The following SH3PXD2B variants were observed in gnomAD, a reference collection of about 807,000 sequenced individuals.
SH3PXD2B encodes the protein SH3 and PX domains 2B, also known as SH3 and PX domain-containing protein 2B.
A neutral mutation model predicts 73.1 loss-of-function variants in SH3PXD2B; 37 were observed. The observed-to-expected ratio is 0.51, with a 90% CI of 0.39 to 0.67. The LOEUF is 0.67. SH3PXD2B is among the 30% of genes least tolerant of loss of function. The pLI is 0.00. For synonymous variants in SH3PXD2B, 457 were observed against 480.5 expected (o/e 0.95, Z 0.64); for missense variants, 1,053 against 1,197.8 (o/e 0.88, Z 1.78).
At chr5:172,450,000 T>C (rs1474690849) in intron 1 of SH3PXD2B, among the ~76,000 whole-genome samples, 1 of 152,068 alleles carries the variant, frequency 6.6e-6, no homozygotes, top group Non-Finnish European at 1.5e-5. Flanking sequence ...CAATACAAGA[T>C]TTTAGGGAAT....
chr5:172,382,168 G>A, intron 4 of SH3PXD2B, 41 bp from the exon 5 acceptor site: 1 of 1,517,578 alleles, frequency 6.6e-7, no homozygotes, highest in Non-Finnish European at 9.0e-7. Flanking sequence ...GGAGGAGAGG[G>A]GGCTGAGCAT....
chr5:172,407,233 T>G (rs1488360386), intron 2 of SH3PXD2B, among the ~76,000 whole-genome samples: 4 of 152,236 alleles, frequency 2.6e-5, no homozygotes, highest in Non-Finnish European at 5.9e-5. Flanking sequence ...TGGTTCTTCT[T>G]CTGAGCACAT....
chr5:172,335,920 C>A lies in SH3PXD2B; in HGVS notation c.*2449G>T, dbSNP rs182625015. The stretch of plus-strand genomic sequence containing the variant: ...TACCCGCGGGTCATGTCAGAATAAT[C>A]ATCATCATCATAGCAAAAGAGAATG... On this transcript the variant is annotated 3_prime_UTR_variant, in exon 13 of 13. Coordinates refer to ENST00000311601, the MANE Select transcript of SH3PXD2B (RefSeq NM_001017995.3). The A allele has an allele frequency of 6.4e-3, 7,403 of 1,162,116 alleles. 28 individuals are homozygous for A. Among genetic ancestry groups the A allele is most frequent in the Non-Finnish European group, 7.2e-3 (6,835 of 944,022 alleles). 72.0% of individuals were successfully genotyped at this position (1,162,116 alleles called of 1,614,324 possible).
chr5:172,434,934 C>T (rs1759338275), intron 1 of SH3PXD2B, among the ~76,000 whole-genome samples: 2 of 152,252 alleles, frequency 1.3e-5, no homozygotes, highest in South Asian at 4.1e-4. Context: ...CAGGCATGCA[C>T]CACCATGCCC....
chr5:172,424,057 G>C (rs540401942), intron 1 of SH3PXD2B, among the ~76,000 whole-genome samples: 191 of 152,298 alleles, frequency 1.3e-3, no homozygotes, highest in Admixed American at 2.8e-3. Flanking sequence ...GGGTGGGGGG[G>C]AGCCTGCCTG....
Position 172,336,003 on chromosome 5 carries a change from C to G in SH3PXD2B, c.*2366G>C. On this transcript the variant is annotated 3_prime_UTR_variant, in exon 13 of 13. Transcript: ENST00000311601. ...CCTAGAGGAAGGCAGGGCAAGTCTG[C>G]TCCTACCCAGCTGACCCCCGGGAGG... 5 of 1,013,602 alleles carry G rather than the reference C, an allele frequency of 4.9e-6. No homozygotes were observed. Among genetic ancestry groups the G allele is most frequent in the Non-Finnish European group, 5.9e-6 (5 of 849,044 alleles). 62.8% of individuals were successfully genotyped at this position (1,013,602 alleles called of 1,614,324 possible).
chr5:172,355,988 G>A (rs945933847), intron 8 of SH3PXD2B, among the ~76,000 whole-genome samples: 1 of 152,150 alleles, frequency 6.6e-6, no homozygotes, highest in Non-Finnish European at 1.5e-5. Flanking sequence ...TTCCTCTGGT[G>A]GTGCTACCAG....
chr5:172,406,236 A>G (rs1758553134), intron 3 of SH3PXD2B, 41 bp downstream of exon 3: 2 of 1,602,512 alleles, frequency 1.2e-6, no homozygotes. Context: ...ACTGTAACAG[A>G]GCCCCCAGTG....
At chr5:172,452,348 C>T (rs1759815366) in intron 1 of SH3PXD2B, among the ~76,000 whole-genome samples, 1 of 152,196 alleles carries the variant, frequency 6.6e-6, no homozygotes, top group Admixed American at 6.5e-5. Flanking sequence ...AAGGATGGAG[C>T]TGACACAGCA....
intron 1 of SH3PXD2B, among the ~76,000 whole-genome samples, chr5:172,451,775 T>C (rs1759801914): frequency 6.6e-6 from 1 of 152,000 alleles, no homozygotes; most frequent in Admixed American, 6.6e-5. Flanking sequence ...GTGTGAGGGG[T>C]TGGGGTGGAG....
rs981274326 is a variant in SH3PXD2B, at chr5:172,335,864, G to A, written c.*2505C>T. 1.9e-5 allele frequency: 23 copies of A among 1,224,524 alleles called. No individual in the cohort carries two copies. The highest frequency in any genetic ancestry group is 4.3e-5 in the Admixed American group (1 of 23,446). The allele number at this position is 1,224,524 out of a possible 1,614,324, so 75.9% of individuals were successfully genotyped here. A position where few individuals can be genotyped will look rare whatever the true frequency, so the allele number is the denominator to read the frequency against. On this transcript the variant is annotated 3_prime_UTR_variant, in exon 13 of 13. Transcript: ENST00000311601. ...AGGCCATAGATATGACTCAAGGAGA[G>A]AACAGTGAACAGAGAGGACTGTGGC... is the stretch of plus-strand genomic sequence containing the variant.
intron 2 of SH3PXD2B, among the ~76,000 whole-genome samples, chr5:172,416,236 G>A (rs1758817100): frequency 6.6e-6 from 1 of 152,162 alleles, no homozygotes; most frequent in Non-Finnish European, 1.5e-5. Context: ...GCTAAGGTGG[G>A]AGGATCACTT....
intron 1 of SH3PXD2B, among the ~76,000 whole-genome samples, chr5:172,439,681 C>A (rs112300779): frequency 1.1e-5 from 1 of 92,128 alleles, no homozygotes; most frequent in African/African-American, 6.9e-5. Flanking sequence ...CGTGCGTGCG[C>A]GCACGCGCGC....
At chr5:172,431,057 G>T (rs897658997) in intron 1 of SH3PXD2B, among the ~76,000 whole-genome samples, 3 of 152,034 alleles carry the variant, frequency 2.0e-5, no homozygotes, top group Non-Finnish European at 4.4e-5. Context: ...AATAGAGACG[G>T]GGTTTCACCA....
chr5:172,443,855 C>T (rs1398422337), intron 1 of SH3PXD2B, among the ~76,000 whole-genome samples: 3 of 152,244 alleles, frequency 2.0e-5, no homozygotes, highest in African/African-American at 7.2e-5. Flanking sequence ...GCAACTTTTC[C>T]ATTCAGGACG....
chr5:172,411,968 C>A (rs1455000419), intron 2 of SH3PXD2B, among the ~76,000 whole-genome samples: 1 of 151,772 alleles, frequency 6.6e-6, no homozygotes, highest in Non-Finnish European at 1.5e-5. Flanking sequence ...TGACTCCCCC[C>A]TCTCCCTCCC....
At chr5:172,382,284 CCA>C (rs1179447584) in intron 4 of SH3PXD2B, among the ~76,000 whole-genome samples, 157 bp from the exon 5 acceptor site, 3 of 152,276 alleles carry the variant, frequency 2.0e-5, no homozygotes, top group Non-Finnish European at 4.4e-5. Context: ...CCACTGCACT[CCA>C]GACTGGGTGA....
chr5:172,350,591 T>G lies in SH3PXD2B; in HGVS notation c.786-2A>C. On this transcript the variant is annotated splice_acceptor_variant, in intron 9 of 12. Transcript: ENST00000311601. LOFTEE classifies it high-confidence loss of function. The stretch of plus-strand genomic sequence containing the variant: ...GCCCAGCCTTCTTTGCCCTGGTACC[T>G]GTGAAGAGGAGGAAGGATGCTGTCA... 6.2e-7 allele frequency: 1 copy of G among 1,602,718 alleles called. No homozygotes were observed. Among genetic ancestry groups the G allele is most frequent in the African/African-American group, 1.3e-5 (1 of 74,854 alleles).
At chr5:172,400,716 C>A (rs1179687830) in intron 3 of SH3PXD2B, among the ~76,000 whole-genome samples, 1 of 152,192 alleles carries the variant, frequency 6.6e-6, no homozygotes, top group Non-Finnish European at 1.5e-5. Flanking sequence ...TCCTTACATG[C>A]TGTTAGTAGG....
Sources: allele counts gnomAD v4.1 joint callset (sites outside exome capture counted in the v4.1 genomes callset), GRCh38; gene constraint gnomAD v4.1.1; transcripts MANE v1.5; gene names NCBI Gene and HGNC (gene_info 2026-07-23, HGNC 2026-07-21).